USH2A: variants seen among roughly 807,000 people sequenced by gnomAD.
USH2A encodes usherin.
In USH2A, 443 loss-of-function variants were observed where a neutral mutation model predicts 538.9. The observed-to-expected ratio is 0.82, with a 90% CI of 0.76 to 0.89. The LOEUF (loss-of-function observed/expected upper bound fraction) is 0.89, where lower values mean the gene tolerates loss of function less well. Ranked by LOEUF, USH2A falls within the 40% of genes least tolerant of loss-of-function variation. The pLI, the probability that USH2A is intolerant of heterozygous loss-of-function variation, is 0.00. For synonymous variants in USH2A, 2,413 were observed against 2,273.5 expected (o/e 1.06, Z -1.75); for missense variants, 6,633 against 6,324.8 (o/e 1.05, Z -1.65).
At chr1:215,625,944 CAATT>C in intron 71 of USH2A, 74 bp from the exon 72 acceptor site, 2 of 1,408,992 alleles carry the variant, frequency 1.4e-6, no homozygotes, top group South Asian at 1.2e-5. Context: ...ATAGTTATAT[CAATT>C]AAGTGTAAAA....
chr1:215,739,818 A>G (rs1339134621), intron 60 of USH2A, among the ~76,000 whole-genome samples: 1 of 152,188 alleles, frequency 6.6e-6, no homozygotes, highest in East Asian at 1.9e-4. Context: ...GATGTGAATC[A>G]AAGGATTTCA....
chr1:215,955,936 T>C (rs1230609150), intron 37 of USH2A, among the ~76,000 whole-genome samples: 1 of 152,168 alleles, frequency 6.6e-6, no homozygotes, highest in East Asian at 1.9e-4. Context: ...ATCCCTAGAT[T>C]CCCACAGGAG....
At chr1:216,209,393 G>A (rs1488953791) in intron 15 of USH2A, among the ~76,000 whole-genome samples, 2 of 152,192 alleles carry the variant, frequency 1.3e-5, no homozygotes, top group Non-Finnish European at 2.9e-5. Flanking sequence ...GGGCAATGGA[G>A]GCTGCTGATG....
chr1:215,799,560 AAG>A (rs1662258284), intron 49 of USH2A, among the ~76,000 whole-genome samples: 1 of 152,154 alleles, frequency 6.6e-6, no homozygotes, highest in Non-Finnish European at 1.5e-5. Context: ...TCCCATTGGG[AAG>A]GTTAATTACA....
chr1:215,892,562 T>A (rs1193392522), intron 40 of USH2A, among the ~76,000 whole-genome samples: 1 of 152,158 alleles, frequency 6.6e-6, no homozygotes, highest in African/African-American at 2.4e-5. Context: ...CATGAATTCT[T>A]TTATCGATTT....
chr1:215,630,297 C>T, intron 70 of USH2A: 1 of 456,138 alleles, frequency 2.2e-6, no homozygotes, highest in East Asian at 7.0e-5. Flanking sequence ...ATGTTTGGAA[C>T]AGTTTTAAAC....
chr1:216,278,499 A>G lies in USH2A; in HGVS notation c.1971+10781T>C, dbSNP rs77454452. ...ATAATGAGATATTACTCAATTTACC[A>G]GCTCTATGAGAAATATTACTACTAA... On this transcript the variant is annotated intron_variant, in intron 11 of 71. Coordinates refer to ENST00000307340, the MANE Select transcript of USH2A (RefSeq NM_206933.4). Among the ~76,000 whole-genome samples, 3 of 152,298 alleles carry G rather than the reference A, an allele frequency of 2.0e-5. No homozygotes were observed. The East Asian group carries it at 5.8e-4, about 29-fold the overall frequency.
intron 4 of USH2A, among the ~76,000 whole-genome samples, chr1:216,335,930 C>T (rs1367108946): frequency 1.3e-5 from 2 of 151,504 alleles, no homozygotes; most frequent in African/African-American, 4.8e-5. Flanking sequence ...CTCTATGAAA[C>T]CAGTATTACC....
At chr1:215,755,411 T>A (rs1660761695) in intron 58 of USH2A, among the ~76,000 whole-genome samples, 1 of 152,224 alleles carries the variant, frequency 6.6e-6, no homozygotes, top group African/African-American at 2.4e-5. Context: ...AAATTTATTT[T>A]CTTTCTGTTT....
At chr1:215,661,965 T>A (rs1388312287) in intron 64 of USH2A, among the ~76,000 whole-genome samples, 1 of 152,176 alleles carries the variant, frequency 6.6e-6, no homozygotes, top group East Asian at 1.9e-4. Flanking sequence ...GATACATTAT[T>A]CATGGGCATC....
At chr1:216,384,456 A>G (rs1159233342) in intron 3 of USH2A, among the ~76,000 whole-genome samples, 1 of 152,166 alleles carries the variant, frequency 6.6e-6, no homozygotes, top group Non-Finnish European at 1.5e-5. Context: ...AGAAAAGATA[A>G]TTCCTTATAT....
intron 9 of USH2A, among the ~76,000 whole-genome samples, chr1:216,305,338 GC>G (rs2037295595): frequency 1.3e-5 from 2 of 152,018 alleles, no homozygotes; most frequent in South Asian, 4.1e-4. Flanking sequence ...ACTGCTGTTT[GC>G]TTTTGGTGTC....
At chr1:215,901,216 A>G in intron 38 of USH2A, 1 of 402,014 alleles carries the variant, frequency 2.5e-6, no homozygotes. Context: ...AGTGAAGCAA[A>G]TATTAAAGTA....
At chr1:216,084,115 G>A (rs1222718966) in intron 25 of USH2A, among the ~76,000 whole-genome samples, 2 of 152,022 alleles carry the variant, frequency 1.3e-5, no homozygotes, top group Non-Finnish European at 2.9e-5. Context: ...CTGGGTGGAA[G>A]TCTCTGCTCT....
chr1:216,334,490 A>G (rs1178830907), intron 4 of USH2A, among the ~76,000 whole-genome samples: 1 of 152,006 alleles, frequency 6.6e-6, no homozygotes, highest in Non-Finnish European at 1.5e-5. Flanking sequence ...CACTGTGCTA[A>G]ATGTAAATGG....
At chr1:215,680,846 C>T (rs1658204572) in intron 61 of USH2A, among the ~76,000 whole-genome samples, 2 of 152,102 alleles carry the variant, frequency 1.3e-5, no homozygotes, top group African/African-American at 4.8e-5. Context: ...CAAGACTCTC[C>T]ATCTTCCCAG....
At chr1:215,872,034 T>C (rs1223482688) in intron 43 of USH2A, among the ~76,000 whole-genome samples, 2 of 152,232 alleles carry the variant, frequency 1.3e-5, no homozygotes, top group Non-Finnish European at 2.9e-5. Context: ...TGTGTTAATA[T>C]TGTCACCAAT....
At position 215,656,952 on chromosome 1, in the gene USH2A, C is replaced by A. The variant is rs6665961; in HGVS notation, c.14134-6151G>T. ...AGTAAACAGGTTGTATGTTAACGGG[C>A]AAACAATTAAATTATTTGTTTCCTA... On this transcript the variant is annotated intron_variant, in intron 64 of 71. Transcript: ENST00000307340. Among the ~76,000 whole-genome samples, 731 of 152,262 alleles carry A rather than the reference C, an allele frequency of 4.8e-3. 6 individuals carry two copies. The highest frequency in any genetic ancestry group is 0.017 in the African/African-American group (709 of 41,548).
chr1:216,326,956 A>G (rs2037744545), intron 5 of USH2A, among the ~76,000 whole-genome samples: 1 of 152,186 alleles, frequency 6.6e-6, no homozygotes, highest in East Asian at 1.9e-4. Context: ...CCTAAGCAGA[A>G]TTTCACTTAA....
Sources: allele counts gnomAD v4.1 joint callset (sites outside exome capture counted in the v4.1 genomes callset), GRCh38; gene constraint gnomAD v4.1.1; transcripts MANE v1.5; gene names NCBI Gene and HGNC (gene_info 2026-07-23, HGNC 2026-07-21).